Variants in TFDP2 observed in about 807,000 individuals in gnomAD.
TFDP2 encodes transcription factor Dp-2 (E2F dimerization partner 2).
Under a neutral mutation model 59.3 loss-of-function variants are expected in TFDP2, and 17 were observed. That is an observed-to-expected ratio of 0.29 (90% CI 0.20 to 0.43). TFDP2 has a LOEUF of 0.43. Among genes scored for constraint, TFDP2 ranks in the 20% least tolerant of loss-of-function variants. The pLI is 1.00. For synonymous variants in TFDP2, 180 were observed against 194.7 expected, an observed-to-expected ratio of 0.92 and a Z score of 0.63; for missense variants, 391 against 528.8, an observed-to-expected ratio of 0.74 and a Z score of 2.56.
rs1413891074 is a variant in TFDP2, at chr3:141,949,339, G to A, written c.*3174C>T. ...TTGTCTGTAGTTTCTCGGGCGGTGG[G>A]TGTCGCTGAGGGGTGGAGGACCGCC... On this transcript the variant is annotated 3_prime_UTR_variant, in exon 13 of 13. Transcript: ENST00000489671. 3.9e-5 allele frequency: 6 copies of A among 152,168 alleles called. No homozygotes were observed. The highest frequency in any genetic ancestry group is 2.9e-5 in the Non-Finnish European group (2 of 68,050). The allele number at this position is 152,168 out of a possible 1,614,324, so 9.4% of individuals were successfully genotyped here.
At chr3:142,044,956 A>C (rs1482218477) in intron 3 of TFDP2, among the ~76,000 whole-genome samples, 3 of 152,114 alleles carry the variant, frequency 2.0e-5, no homozygotes, top group Non-Finnish European at 4.4e-5. Flanking sequence ...TTATTATTAT[A>C]ATTGCTGACA....
rs976389616 is a variant in TFDP2 at position 142,010,574 on chromosome 3, A to G, written c.83-5030T>C. Among the ~76,000 whole-genome samples, 4 of 141,946 alleles carry G rather than the reference A, an allele frequency of 2.8e-5. No individual in the cohort carries two copies. The Admixed American group carries it at 3.1e-4, about 11-fold the overall frequency. 93.1% of individuals were successfully genotyped at this position (141,946 alleles called of 152,430 possible). A position where few individuals can be genotyped will look rare whatever the true frequency, so the allele number is the denominator to read the frequency against. ...CAGTGAGCCAAGATCGCGCTAATGA[A>G]CTCCAGCCTGGGTGACAGAGCAAGA... On this transcript the variant is annotated intron_variant, in intron 3 of 12. Transcript: ENST00000489671.
At chr3:141,999,557 T>C (rs1343044419) in intron 4 of TFDP2, among the ~76,000 whole-genome samples, 1 of 152,110 alleles carries the variant, frequency 6.6e-6, no homozygotes, top group East Asian at 1.9e-4. Flanking sequence ...AGGGCAAGTA[T>C]CTCAAACTAA....
At chr3:141,992,747 A>C (rs1450768869) in intron 6 of TFDP2, among the ~76,000 whole-genome samples, 2 of 152,228 alleles carry the variant, frequency 1.3e-5, no homozygotes, top group African/African-American at 4.8e-5. Context: ...CATCCTTTAT[A>C]CATATTCCCA....
At chr3:141,974,696 T>C (rs1330246161) in intron 7 of TFDP2, among the ~76,000 whole-genome samples, 2 of 152,138 alleles carry the variant, frequency 1.3e-5, no homozygotes, top group Non-Finnish European at 2.9e-5. Flanking sequence ...TCTAAGCCCT[T>C]GCATTATCTG....
intron 4 of TFDP2, among the ~76,000 whole-genome samples, chr3:142,004,439 C>T (rs1250727991): frequency 2.0e-5 from 3 of 152,128 alleles, no homozygotes; most frequent in Non-Finnish European, 4.4e-5. Context: ...GATGAAAACA[C>T]CGGCAATGAA....
chr3:142,019,648 C>CCCA (rs1553778376), intron 3 of TFDP2, among the ~76,000 whole-genome samples: 1 of 5,510 alleles, frequency 1.8e-4, no homozygotes, highest in Non-Finnish European at 3.5e-4. Flanking sequence ...ATATTAAACA[C>CCCA]CCCCCCCAAC....
chr3:142,126,004 C>G (rs1478971680), intron 1 of TFDP2: 6 of 151,994 alleles, frequency 3.9e-5, no homozygotes, highest in Non-Finnish European at 8.8e-5. Flanking sequence ...TTAGATAGAA[C>G]CCTTTCTTAG....
chr3:141,968,453 C>CATATATAACATATATA (rs1938636315), intron 9 of TFDP2, among the ~76,000 whole-genome samples: 1 of 92,060 alleles, frequency 1.1e-5, no homozygotes, highest in Non-Finnish European at 2.0e-5. Context: ...ACATATATAT[C>CATATATAACATATATA]TCATATATAG....
intron 3 of TFDP2, among the ~76,000 whole-genome samples, chr3:142,071,458 A>T (rs555156585): frequency 1.3e-5 from 2 of 152,318 alleles, no homozygotes; most frequent in Non-Finnish European, 2.9e-5. Context: ...GCACCCGGCC[A>T]TAAAGGATCA....
At chr3:141,982,401 ACTACTCAAGTAGTCTTTACCCC>A (rs1049250100) in intron 6 of TFDP2, among the ~76,000 whole-genome samples, 4 of 151,944 alleles carry the variant, frequency 2.6e-5, no homozygotes, top group Admixed American at 6.6e-5. Flanking sequence ...TTTTTAAAAG[ACTACTCAAGTAGTCTTTACCCC>A]CTACTCAAGT....
At chr3:142,066,533 T>C (rs1485207773) in intron 3 of TFDP2, among the ~76,000 whole-genome samples, 1 of 152,232 alleles carries the variant, frequency 6.6e-6, no homozygotes, top group East Asian at 1.9e-4. Context: ...TATTGAATAC[T>C]GTACTGAAAG....
chr3:141,968,805 CATAT>C (rs1295389806), intron 9 of TFDP2, among the ~76,000 whole-genome samples: 5 of 74,840 alleles, frequency 6.7e-5, no homozygotes, highest in Non-Finnish European at 7.3e-5. Context: ...ATATATATCT[CATAT>C]ATAGATATAT....
In TFDP2 at chr3:142,149,220, C is replaced by G. The variant is rs2063298722; in HGVS notation, c.-130G>C. On this transcript the variant is annotated 5_prime_UTR_variant, in exon 1 of 13. Coordinates refer to ENST00000489671, the MANE Select transcript of TFDP2 (RefSeq NM_001178139.2). ...CAGAAGAACTGGCGGCCAAGCGAGG[C>G]TGTCGGGCCGAGCCAGGAGCGCGTC... The G allele has an allele frequency of 2.5e-6, 1 of 397,600 alleles. No individual in the cohort carries two copies. Among genetic ancestry groups the G allele is most frequent in the Non-Finnish European group, 4.4e-6 (1 of 225,434 alleles). The allele number at this position is 397,600 out of a possible 1,614,324, so 24.6% of individuals were successfully genotyped here.
intron 2 of TFDP2, among the ~76,000 whole-genome samples, chr3:142,097,853 T>G (rs1379991133): frequency 6.6e-6 from 1 of 150,434 alleles, no homozygotes; most frequent in East Asian, 1.9e-4. Context: ...TGGCACGATC[T>G]CGGCTCACTG....
chr3:142,012,492 G>A (rs1337424549), intron 3 of TFDP2, among the ~76,000 whole-genome samples: 1 of 152,164 alleles, frequency 6.6e-6, no homozygotes, highest in Non-Finnish European at 1.5e-5. Context: ...AATTCTACAT[G>A]TCCTGGGATT....
Position 141,968,600 on chromosome 3 carries a change from A to T in TFDP2, c.732+1473T>A, listed in dbSNP as rs181320604. Among the ~76,000 whole-genome samples, 80 of 106,004 alleles carry T rather than the reference A, an allele frequency of 7.5e-4. 6 individuals are homozygous for T. Among genetic ancestry groups the T allele is most frequent in the African/African-American group, 3.3e-3 (76 of 22,926 alleles). 69.5% of individuals were successfully genotyped at this position (106,004 alleles called of 152,430 possible). A position where few individuals can be genotyped will look rare whatever the true frequency, so the allele number is the denominator to read the frequency against. ...ATATATATCTCATATATAGATATATATAACATATATATCTCATATATAGAT... is the reference window on the plus strand; with the variant it reads ...ATATATATCTCATATATAGATATATTTAACATATATATCTCATATATAGAT... On this transcript the variant is annotated intron_variant, in intron 9 of 12. Transcript: ENST00000489671.
At chr3:142,134,145 T>C (rs1191751857) in intron 1 of TFDP2, among the ~76,000 whole-genome samples, 2 of 151,228 alleles carry the variant, frequency 1.3e-5, no homozygotes, top group Admixed American at 6.6e-5. Context: ...GAAAAAAATA[T>C]AGAAGAAGGA....
chr3:141,984,342 A>G (rs763251953), intron 6 of TFDP2, among the ~76,000 whole-genome samples: 5 of 152,168 alleles, frequency 3.3e-5, no homozygotes, highest in Non-Finnish European at 5.9e-5. Flanking sequence ...TACTAAAAAT[A>G]CAAAAATTAG....
Sources: gnomAD v4.1 joint callset for allele counts (sites outside exome capture counted in the v4.1 genomes callset) on GRCh38, gnomAD v4.1.1 for gene constraint, MANE v1.5 for transcripts, NCBI Gene and HGNC (gene_info 2026-07-23, HGNC 2026-07-21) for gene names.